Variants in SYCP2 observed in about 807,000 individuals in gnomAD.
The protein encoded by SYCP2 is synaptonemal complex protein 2.
SYCP2 carries 55 observed loss-of-function variants against 211.3 expected under a neutral mutation model. That is an observed-to-expected ratio of 0.26 (90% CI 0.21 to 0.33). SYCP2 has a LOEUF of 0.33. SYCP2 is among the 10% of genes least tolerant of loss of function. SYCP2 has a pLI of 1.00. For missense variants in SYCP2, 1,731 were observed against 1,752.0 expected, an observed-to-expected ratio of 0.99 and a Z score of 0.21; for synonymous variants, 570 against 555.2, an observed-to-expected ratio of 1.03 and a Z score of -0.37.
intron 20 of SYCP2, 54 bp from the exon 21 acceptor site, chr20:59,893,647 A>T: frequency 7.4e-7 from 1 of 1,351,202 alleles, no homozygotes; most frequent in Non-Finnish European, 1.0e-6. Flanking sequence ...ATGAAAACCT[A>T]AATGTTACAG....
intron 4 of SYCP2, 56 bp from the exon 5 acceptor site, chr20:59,920,543 A>G: frequency 7.3e-7 from 1 of 1,368,114 alleles, no homozygotes; most frequent in Non-Finnish European, 1.0e-6. Flanking sequence ...TATGAAATAG[A>G]CATTGTACAA....
chr20:59,924,343 T>C (rs1336985178), intron 2 of SYCP2, among the ~76,000 whole-genome samples: 1 of 152,036 alleles, frequency 6.6e-6, no homozygotes, highest in Non-Finnish European at 1.5e-5. Context: ...CATGTTCTTA[T>C]GAGGGATCCT....
rs2059395839 is a variant in SYCP2, at chr20:59,868,677, T to C, written c.3833-109A>G. The C allele has an allele frequency of 3.0e-6, 4 of 1,338,748 alleles. No homozygotes were observed. In the South Asian group the frequency reaches 6.2e-5, roughly 21 times the overall value. The allele number at this position is 1,338,748 out of a possible 1,614,324, so 82.9% of individuals were successfully genotyped here. On this transcript the variant is annotated intron_variant, in intron 37 of 44. Coordinates refer to ENST00000357552, the MANE Select transcript of SYCP2 (RefSeq NM_014258.4). ...CTTTGTTTCCACTAAGTATTTTTAT[T>C]ATGTTTTAGGTAATTATGCATTCAA...
intron 19 of SYCP2, 25 bp downstream of exon 19, chr20:59,896,404 A>G: frequency 7.8e-7 from 1 of 1,276,528 alleles, no homozygotes; most frequent in African/African-American, 1.5e-5. Flanking sequence ...AATTGTTAGA[A>G]ATCTTTTAAA....
At chr20:59,893,376 A>G in intron 21 of SYCP2, 148 bp downstream of exon 21, 1 of 757,854 alleles carries the variant, frequency 1.3e-6, no homozygotes, top group South Asian at 2.0e-5. Context: ...ATTTCCTTGT[A>G]ACCTCAAAAA....
At chr20:59,888,762 A>C (rs2145716245) in intron 24 of SYCP2, among the ~76,000 whole-genome samples, 1 of 152,206 alleles carries the variant, frequency 6.6e-6, no homozygotes, top group South Asian at 2.1e-4. Flanking sequence ...TTAGCAACAA[A>C]ACTACTGGAA....
chr20:59,882,660 A>G (rs1237398784), intron 26 of SYCP2, among the ~76,000 whole-genome samples: 2 of 152,282 alleles, frequency 1.3e-5, no homozygotes, highest in East Asian at 3.9e-4. Context: ...GCCAAAGTAA[A>G]GTGAAATAAG....
Position 59,875,432 on chromosome 20 carries a change from A to G in SYCP2, c.3188T>C (p.Leu1063Pro). The G allele has an allele frequency of 6.2e-7, 1 of 1,612,624 alleles. No individual in the cohort carries two copies. ...NIHSRMKTVK[L>P]PKKQQKVFCA... ...GAAGACTTTCTGTTGTTTCTTTGGT[A>G]GCTTTACCGTTTTCATTCTGGAATG... is the stretch of plus-strand genomic sequence containing the variant. The change falls in exon 34 of 45, where the codon CTA (leucine) becomes CCA (proline). Residue 1063 changes from leucine (L) to proline (P), a missense_variant. Transcript: ENST00000357552.
chr20:59,930,468 ATAC>A (rs2060717628), intron 2 of SYCP2, among the ~76,000 whole-genome samples: 1 of 152,242 alleles, frequency 6.6e-6, no homozygotes, highest in Admixed American at 6.5e-5. Context: ...GCATGACAAG[ATAC>A]TACTTCTTAA....
chr20:59,913,966 T>TA lies in SYCP2; in HGVS notation c.830+8dup. On this transcript the variant is annotated intron_variant, in intron 12 of 44. Coordinates refer to ENST00000357552, the MANE Select transcript of SYCP2 (RefSeq NM_014258.4). ...GACAGTAAATGGTTGTATCTTGCAT[T>TA]AAGTTTACCTTCTTTTGTCTCCAAG... The TA allele has an allele frequency of 6.3e-7, 1 of 1,590,334 alleles. No individual in the cohort carries two copies. The highest frequency in any genetic ancestry group is 8.5e-7 in the Non-Finnish European group (1 of 1,170,076).
At chr20:59,865,498 G>A (rs953103443) in intron 43 of SYCP2, 54 bp from the exon 44 acceptor site, 62 of 1,580,258 alleles carry the variant, frequency 3.9e-5, no homozygotes, top group Middle Eastern at 1.7e-4. Flanking sequence ...AGTTTTCACA[G>A]CAAAGACAAA....
At chr20:59,888,827 A>G (rs1397590982) in intron 24 of SYCP2, among the ~76,000 whole-genome samples, 1 of 152,074 alleles carries the variant, frequency 6.6e-6, no homozygotes, top group Non-Finnish European at 1.5e-5. Context: ...ACAAAAGTCA[A>G]CCACTTTCTT....
Position 59,919,409 on chromosome 20 carries a change from T to C in SYCP2, c.402+84A>G, listed in dbSNP as rs2060498980. 6.7e-6 allele frequency: 7 copies of C among 1,040,410 alleles called. No homozygotes were observed. In the East Asian group the frequency reaches 1.7e-4, roughly 25 times the overall value. 64.4% of individuals were successfully genotyped at this position (1,040,410 alleles called of 1,614,324 possible). On this transcript the variant is annotated intron_variant, in intron 6 of 44. Coordinates refer to ENST00000357552, the MANE Select transcript of SYCP2 (RefSeq NM_014258.4). Reference sequence around the variant, plus strand: ...CACCAACCAATCTGTTAGTGACTTTTAGGCTCAGGGCACAGAGAACACAAA... The same window carrying C: ...CACCAACCAATCTGTTAGTGACTTTCAGGCTCAGGGCACAGAGAACACAAA...
At chr20:59,913,705 A>G (rs1434769297) in intron 12 of SYCP2, among the ~76,000 whole-genome samples, 1 of 152,136 alleles carries the variant, frequency 6.6e-6, no homozygotes, top group East Asian at 1.9e-4. Context: ...GAACATCTAA[A>G]GTTATTAATT....
intron 31 of SYCP2, among the ~76,000 whole-genome samples, chr20:59,879,846 TATATATATATATATATACACAC>T (rs1172052245): frequency 4.3e-5 from 5 of 115,044 alleles, no homozygotes; most frequent in African/African-American, 1.6e-4. Context: ...TATATATATA[TATATATATATATATATACACAC>T]ACACACACAC....
chr20:59,908,014 A>G (rs1193235534), intron 14 of SYCP2, among the ~76,000 whole-genome samples: 1 of 152,190 alleles, frequency 6.6e-6, no homozygotes, highest in Non-Finnish European at 1.5e-5. Context: ...TGGGAGGCCA[A>G]GGCAGGCGGA....
rs115222997 is a variant in SYCP2, at chr20:59,900,914, G to A, written c.1183-96C>T. 5.0e-3 allele frequency: 4,870 copies of A among 975,918 alleles called. 132 individuals carry two copies. The African/African-American group carries it at 0.069, about 14-fold the overall frequency. The allele number at this position is 975,918 out of a possible 1,614,324, so 60.5% of individuals were successfully genotyped here. On this transcript the variant is annotated intron_variant, in intron 16 of 44. Transcript: ENST00000357552. The stretch of plus-strand genomic sequence containing the variant: ...TTTCCATTTAATGTAATTATTTCCT[G>A]TTTTCTTCCAAAATTGCCAAATATC...
At chr20:59,893,296 G>T in intron 21 of SYCP2, 97 bp from the exon 22 acceptor site, 1 of 850,130 alleles carries the variant, frequency 1.2e-6, no homozygotes, top group Non-Finnish European at 1.8e-6. Flanking sequence ...TTCACATATT[G>T]GGATGAACGG....
intron 19 of SYCP2, 102 bp from the exon 20 acceptor site, chr20:59,895,699 G>T: frequency 7.6e-7 from 1 of 1,319,736 alleles, no homozygotes. Flanking sequence ...ATTCTTAGAT[G>T]GTTCCCAGGT....
Sources: allele counts gnomAD v4.1 joint callset (sites outside exome capture counted in the v4.1 genomes callset), GRCh38; gene constraint gnomAD v4.1.1; transcripts MANE v1.5; gene names NCBI Gene and HGNC (gene_info 2026-07-23, HGNC 2026-07-21).